CDH13: variants seen among roughly 807,000 people sequenced by gnomAD.
CDH13 encodes the protein cadherin-13.
Under a neutral mutation model 63.8 loss-of-function variants are expected in CDH13, and 24 were observed. The ratio of observed to expected loss-of-function variants is 0.38; its 90% CI spans 0.27 to 0.53. The LOEUF (loss-of-function observed/expected upper bound fraction) is 0.53, where lower values mean the gene tolerates loss of function less well. CDH13 is among the 20% of genes least tolerant of loss of function. CDH13 has a pLI of 0.85. For missense variants in CDH13, 1,049 were observed against 903.1 expected (o/e 1.16, Z -2.07); for synonymous variants, 503 against 355.3 (o/e 1.42, Z -4.67).
At chr16:82,654,798 A>G (rs570728796) in intron 1 of CDH13, among the ~76,000 whole-genome samples, 2 of 151,940 alleles carry the variant, frequency 1.3e-5, no homozygotes, top group Non-Finnish European at 2.9e-5. Flanking sequence ...TTCTCAGGTT[A>G]TAGTATTAAC....
rs530861620 is a variant in CDH13, at chr16:83,276,023, G to A, written c.636+58526G>A. 5.3e-5 allele frequency among the ~76,000 whole-genome samples: 8 copies of A among 152,224 alleles called. No homozygotes were observed. In the East Asian group the frequency reaches 1.2e-3, roughly 22 times the overall value. On this transcript the variant is annotated intron_variant, in intron 5 of 13. Transcript: ENST00000567109. ...ATAACAGAAGGAAAAAATGTACAAG[G>A]AAAGGAGTTAATTAGAACCTGAACA...
chr16:83,458,570 A>C (rs1225428696), intron 6 of CDH13, among the ~76,000 whole-genome samples: 1 of 152,332 alleles, frequency 6.6e-6, no homozygotes, highest in East Asian at 1.9e-4. Flanking sequence ...TCTTGTGGTC[A>C]TCTTTCCATG....
chr16:83,058,418 C>A (rs1254325101), intron 3 of CDH13, among the ~76,000 whole-genome samples: 1 of 152,152 alleles, frequency 6.6e-6, no homozygotes, highest in African/African-American at 2.4e-5. Context: ...TCCTATGTTT[C>A]AACATGGGGG....
chr16:83,107,423 A>G (rs958840869), intron 3 of CDH13, among the ~76,000 whole-genome samples: 2 of 152,202 alleles, frequency 1.3e-5, no homozygotes, highest in Non-Finnish European at 2.9e-5. Context: ...AATGAATTAA[A>G]TTTTTGAGAA....
At chr16:83,303,308 GGAT>G (rs759018549) in intron 5 of CDH13, among the ~76,000 whole-genome samples, 1 of 152,142 alleles carries the variant, frequency 6.6e-6, no homozygotes, top group Non-Finnish European at 1.5e-5. Context: ...AATCAAAGGA[GGAT>G]GATCACGCAA....
At chr16:83,513,042 A>G (rs1301632071) in intron 7 of CDH13, among the ~76,000 whole-genome samples, 6 of 151,964 alleles carry the variant, frequency 3.9e-5, no homozygotes, top group South Asian at 2.1e-4. Context: ...AAAAAAAGGC[A>G]TAAGTGTCTT....
At chr16:83,335,171 T>C (rs1454715238) in intron 5 of CDH13, among the ~76,000 whole-genome samples, 2 of 152,192 alleles carry the variant, frequency 1.3e-5, no homozygotes, top group African/African-American at 2.4e-5. Context: ...CCATGGAATC[T>C]CTGCAGAATT....
chr16:83,498,106 C>G (rs867713365), intron 7 of CDH13, among the ~76,000 whole-genome samples: 2 of 152,138 alleles, frequency 1.3e-5, no homozygotes, highest in Admixed American at 6.5e-5. Flanking sequence ...TAGACATTGA[C>G]TAAATATTGG....
chr16:83,461,166 T>C (rs2073171704), intron 6 of CDH13, among the ~76,000 whole-genome samples: 1 of 152,122 alleles, frequency 6.6e-6, no homozygotes, highest in South Asian at 2.1e-4. Context: ...TACTATTTAT[T>C]ATACCTTGCT....
chr16:83,724,360 G>T (rs900335065), intron 10 of CDH13, among the ~76,000 whole-genome samples: 1 of 151,478 alleles, frequency 6.6e-6, no homozygotes, highest in Non-Finnish European at 1.5e-5. Context: ...ATGAATGCAT[G>T]GGTGGGGGAT....
At chr16:83,691,071 CGT>C (rs58023339) in intron 10 of CDH13, among the ~76,000 whole-genome samples, 2,641 of 140,928 alleles carry the variant, frequency 0.019, 28 homozygotes, top group African/African-American at 0.023. Flanking sequence ...CCAACTGTGC[CGT>C]GTGTGTGTGT....
rs370508735 is a variant in CDH13 at position 82,798,985 on chromosome 16, A to G, written c.46-59377A>G. ...GAGTTATTTAGGACCTGACAGAGGT[A>G]GGATTCCAACCTGGGCAGTCTATCA... On this transcript the variant is annotated intron_variant, in intron 1 of 13. Coordinates refer to ENST00000567109, the MANE Select transcript of CDH13 (RefSeq NM_001257.5). Among the ~76,000 whole-genome samples the G allele has an allele frequency of 4.1e-3, 621 of 152,336 alleles. 4 individuals carry two copies. Among genetic ancestry groups the G allele is most frequent in the Middle Eastern group, 0.017 (5 of 294 alleles).
intron 4 of CDH13, among the ~76,000 whole-genome samples, chr16:83,147,086 T>A (rs2036782536): frequency 6.6e-6 from 1 of 152,036 alleles, no homozygotes; most frequent in Admixed American, 6.5e-5. Flanking sequence ...AGACTCCATC[T>A]TAAAAAAAAA....
chr16:83,690,559 C>A (rs1904756101), intron 10 of CDH13, among the ~76,000 whole-genome samples: 1 of 151,962 alleles, frequency 6.6e-6, no homozygotes, highest in Non-Finnish European at 1.5e-5. Context: ...GTTAAGCATG[C>A]TAGTGGGATT....
chr16:82,838,802 C>T (rs1439295128), intron 1 of CDH13, among the ~76,000 whole-genome samples: 2 of 152,180 alleles, frequency 1.3e-5, no homozygotes, highest in African/African-American at 4.8e-5. Context: ...ACTTCACTGG[C>T]CTCTCCAGGC....
chr16:83,049,912 C>T (rs1159864686), intron 3 of CDH13, among the ~76,000 whole-genome samples: 1 of 152,110 alleles, frequency 6.6e-6, no homozygotes, highest in Non-Finnish European at 1.5e-5. Flanking sequence ...ACATAATTTA[C>T]AATGATTGAG....
At chr16:82,798,562 C>T (rs918600741) in intron 1 of CDH13, among the ~76,000 whole-genome samples, 8 of 152,136 alleles carry the variant, frequency 5.3e-5, no homozygotes, top group African/African-American at 1.4e-4. Flanking sequence ...GGTTAACTGT[C>T]TTAATGTGGC....
chr16:83,048,686 CT>C (rs2029919744), intron 3 of CDH13, among the ~76,000 whole-genome samples: 1 of 152,150 alleles, frequency 6.6e-6, no homozygotes, highest in South Asian at 2.1e-4. Flanking sequence ...ATTCTTCCTC[CT>C]TTTCATGACA....
At chr16:83,560,908 C>T (rs1044472656) in intron 7 of CDH13, among the ~76,000 whole-genome samples, 1 of 151,962 alleles carries the variant, frequency 6.6e-6, no homozygotes, top group Admixed American at 6.6e-5. Context: ...GGCCCCCCCC[C>T]CGCCCCAGGG....
Sources: gnomAD v4.1 joint callset for allele counts (sites outside exome capture counted in the v4.1 genomes callset) on GRCh38, gnomAD v4.1.1 for gene constraint, MANE v1.5 for transcripts, NCBI Gene and HGNC (gene_info 2026-07-23, HGNC 2026-07-21) for gene names.